TMEM132C: variants seen among roughly 807,000 people sequenced by gnomAD.
TMEM132C encodes the protein protein phosphatase 1, regulatory subunit 152.
TMEM132C carries 29 observed loss-of-function variants against 61.4 expected under a neutral mutation model. The ratio of observed to expected loss-of-function variants is 0.47; its 90% CI spans 0.35 to 0.64. TMEM132C has a LOEUF of 0.64. Among genes scored for constraint, TMEM132C ranks in the 30% least tolerant of loss-of-function variants. The pLI is 0.00. For missense variants in TMEM132C, 1,408 were observed against 1,476.9 expected (o/e 0.95, Z 0.76); for synonymous variants, 656 against 633.1 (o/e 1.04, Z -0.54).
intron 4 of TMEM132C, among the ~76,000 whole-genome samples, chr12:128,658,417 C>A (rs74347002): frequency 6.6e-6 from 1 of 152,334 alleles, no homozygotes; most frequent in African/African-American, 2.4e-5. Flanking sequence ...GCCACGTGAG[C>A]GGTGTGCCTT....
At chr12:128,567,339 A>G (rs1383435088) in intron 3 of TMEM132C, among the ~76,000 whole-genome samples, 1 of 152,146 alleles carries the variant, frequency 6.6e-6, no homozygotes, top group Non-Finnish European at 1.5e-5. Context: ...TAGTAGTTCA[A>G]TGTATGTCAC....
Position 128,504,491 on chromosome 12 carries a change from G to A in TMEM132C, c.975-39466G>A, listed in dbSNP as rs544422577. The stretch of plus-strand genomic sequence containing the variant: ...GCCATAAGATGATACCATAGTCTGG[G>A]CAGCTTAACCATCAGGAATTTATTC... On this transcript the variant is annotated intron_variant, in intron 2 of 8. Coordinates refer to ENST00000435159, the MANE Select transcript of TMEM132C (RefSeq NM_001136103.3). Among the ~76,000 whole-genome samples, 7 of 152,270 alleles carry A rather than the reference G, an allele frequency of 4.6e-5. No individual in the cohort carries two copies. In the East Asian group the frequency reaches 1.4e-3, roughly 29 times the overall value.
chr12:128,622,360 A>AAAAAATATAT (rs1277080166), intron 4 of TMEM132C, among the ~76,000 whole-genome samples: 20 of 30,104 alleles, frequency 6.6e-4, no homozygotes, highest in East Asian at 1.1e-3. Flanking sequence ...AAAAAAAAAA[A>AAAAAATATAT]ATATATATAT....
At chr12:128,686,044 CGT>C (rs1378817723) in intron 5 of TMEM132C, among the ~76,000 whole-genome samples, 4 of 144,288 alleles carry the variant, frequency 2.8e-5, no homozygotes, top group Non-Finnish European at 4.5e-5. Context: ...TGTATTCGCG[CGT>C]GTGTGCATGT....
At chr12:128,639,275 TTGATAATGACAATGGTGA>T (rs1954134989) in intron 4 of TMEM132C, among the ~76,000 whole-genome samples, 2 of 148,282 alleles carry the variant, frequency 1.3e-5, no homozygotes, top group African/African-American at 2.5e-5. Context: ...GATGATGGTG[TTGATAATGACAATGGTGA>T]TGATGATGAT....
intron 1 of TMEM132C, among the ~76,000 whole-genome samples, chr12:128,318,105 GA>G (rs1246181164): frequency 6.6e-6 from 1 of 151,984 alleles, no homozygotes; most frequent in Non-Finnish European, 1.5e-5. Context: ...ACATGGTGGT[GA>G]AAAAAACAGA....
At chr12:128,549,647 A>G (rs935485952) in intron 3 of TMEM132C, among the ~76,000 whole-genome samples, 1 of 152,146 alleles carries the variant, frequency 6.6e-6, no homozygotes. Flanking sequence ...ATACGAACTC[A>G]CACCTGGCGA....
At chr12:128,565,147 G>A (rs927756813) in intron 3 of TMEM132C, among the ~76,000 whole-genome samples, 2 of 152,248 alleles carry the variant, frequency 1.3e-5, no homozygotes, top group Non-Finnish European at 2.9e-5. Flanking sequence ...CCGCCTGGCA[G>A]AGAACTGAAG....
At chr12:128,537,809 A>G (rs1372380586) in intron 2 of TMEM132C, among the ~76,000 whole-genome samples, 1 of 152,248 alleles carries the variant, frequency 6.6e-6, no homozygotes, top group Non-Finnish European at 1.5e-5. Flanking sequence ...TAAATAAGGT[A>G]TGTACCTGGT....
intron 3 of TMEM132C, among the ~76,000 whole-genome samples, chr12:128,567,576 T>A (rs1430038962): frequency 6.6e-6 from 1 of 152,138 alleles, no homozygotes; most frequent in Non-Finnish European, 1.5e-5. Flanking sequence ...TTAATATAAT[T>A]TGTCTTTGTC....
intron 1 of TMEM132C, among the ~76,000 whole-genome samples, chr12:128,334,916 A>G (rs1872756447): frequency 6.6e-6 from 1 of 152,196 alleles, no homozygotes; most frequent in Non-Finnish European, 1.5e-5. Flanking sequence ...TTTGTAGTGC[A>G]CATAGCTAAG....
intron 1 of TMEM132C, among the ~76,000 whole-genome samples, chr12:128,335,438 CAG>C (rs1413610985): frequency 6.6e-6 from 1 of 152,112 alleles, no homozygotes; most frequent in African/African-American, 2.4e-5. Context: ...TCAAATTTTT[CAG>C]AAAGATTAAC....
chr12:128,655,079 T>A (rs2135614858), intron 4 of TMEM132C, among the ~76,000 whole-genome samples: 1 of 152,322 alleles, frequency 6.6e-6, no homozygotes, highest in African/African-American at 2.4e-5. Flanking sequence ...AAGCATTTTT[T>A]AATCAATTCT....
chr12:128,640,906 C>T (rs559355358), intron 4 of TMEM132C, among the ~76,000 whole-genome samples: 1 of 152,272 alleles, frequency 6.6e-6, no homozygotes, highest in African/African-American at 2.4e-5. Flanking sequence ...CGCACACACA[C>T]ACAGTGAGTG....
At chr12:128,537,389 G>C (rs1873570876) in intron 2 of TMEM132C, among the ~76,000 whole-genome samples, 1 of 152,126 alleles carries the variant, frequency 6.6e-6, no homozygotes, top group South Asian at 2.1e-4. Flanking sequence ...GGAAGGAGGG[G>C]GGATAAGGAG....
At chr12:128,381,751 G>A (rs1874406858) in intron 1 of TMEM132C, among the ~76,000 whole-genome samples, 1 of 152,176 alleles carries the variant, frequency 6.6e-6, no homozygotes, top group Non-Finnish European at 1.5e-5. Flanking sequence ...TGAGGGGGAC[G>A]GCATCTGGCG....
chr12:128,698,032 T>G (rs1394130332), intron 8 of TMEM132C, among the ~76,000 whole-genome samples: 2 of 152,218 alleles, frequency 1.3e-5, no homozygotes, highest in East Asian at 3.8e-4. Flanking sequence ...GCCCCATTTC[T>G]TACCACATAA....
intron 2 of TMEM132C, among the ~76,000 whole-genome samples, chr12:128,483,328 G>GGGAGGAGAGGGGAGGAGGGGGGA (rs1555226849): frequency 7.2e-4 from 101 of 140,912 alleles, no homozygotes; most frequent in Non-Finnish European, 9.1e-4. Flanking sequence ...AGGAGGGGAG[G>GGGAGGAGAGGGGAGGAGGGGGGA]GTGGAGGAAG....
chr12:128,379,648 C>T (rs1195950799), intron 1 of TMEM132C, among the ~76,000 whole-genome samples: 1 of 152,196 alleles, frequency 6.6e-6, no homozygotes, highest in African/African-American at 2.4e-5. Flanking sequence ...TGCATCTTTT[C>T]TTCCTCTGGA....
Sources: gnomAD v4.1 joint callset for allele counts (sites outside exome capture counted in the v4.1 genomes callset) on GRCh38, gnomAD v4.1.1 for gene constraint, MANE v1.5 for transcripts, NCBI Gene and HGNC (gene_info 2026-07-23, HGNC 2026-07-21) for gene names.